Variants in ZNF724 observed in about 807,000 individuals in gnomAD.
ZNF724 encodes zinc finger protein 724.
A neutral mutation model predicts 29.3 loss-of-function variants in ZNF724; 14 were observed. The observed-to-expected ratio is 0.48, with a 90% CI of 0.32 to 0.75. The LOEUF (loss-of-function observed/expected upper bound fraction) is 0.75. Ranked by LOEUF, ZNF724 falls within the 30% of genes least tolerant of loss-of-function variation. The pLI is 0.04. For synonymous variants in ZNF724, 180 were observed against 193.6 expected (o/e 0.93, Z 0.58); for missense variants, 557 against 571.2 (o/e 0.98, Z 0.25).
chr19:23,224,366 T>C (rs1599635265), intron 3 of ZNF724, among the ~76,000 whole-genome samples: 1 of 151,934 alleles, frequency 6.6e-6, no homozygotes, highest in Admixed American at 6.6e-5. Context: ...TGAGCTGATA[T>C]CACACCAAGG....
In ZNF724 at chr19:23,223,151, G is replaced by C. The variant is rs1345279267; in HGVS notation, c.1094C>G (p.Pro365Arg). The stretch of plus-strand genomic sequence containing the variant: ...TTTGCCACACTCTTCACATTTGTAA[G>C]GTTTCTCTCCAGTATGAATTCTCTT... ...QHKRIHTGEKPYKCEECGKAF... is the reference protein window; with the variant it reads ...QHKRIHTGEKRYKCEECGKAF... Residue 365 changes from proline (P) to arginine (R), a missense_variant, in exon 4 of 4, where the codon CCT (proline) becomes CGT (arginine). Physicochemically the swap from Pro to Arg is moderately radical, Grantham distance 103. Transcript: ENST00000418100. 3.9e-6 allele frequency: 5 copies of C among 1,289,428 alleles called. No individual in the cohort carries two copies. The South Asian group carries it at 5.9e-5, about 15-fold the overall frequency. The allele number at this position is 1,289,428 out of a possible 1,614,324, so 79.9% of individuals were successfully genotyped here.
intron 1 of ZNF724, among the ~76,000 whole-genome samples, chr19:23,235,371 A>C (rs1972007902): frequency 6.6e-6 from 1 of 152,210 alleles, no homozygotes; most frequent in Admixed American, 6.5e-5. Context: ...TAGTTTAAAG[A>C]AATTTTTATT....
In ZNF724 at chr19:23,223,248, T is replaced by A; in HGVS notation, c.997A>T (p.Thr333Ser). The change falls in exon 4 of 4, where the codon ACT becomes TCT. Residue 333 changes from threonine to serine, a missense_variant. By Grantham distance (58) the Thr-to-Ser change is moderately conservative. Around this residue, in one of 3 missense-constraint regions of ZNF724, gnomAD observed 362 missense variants for 295.5 expected, o/e 1.22. Coordinates refer to ENST00000418100, the MANE Select transcript of ZNF724 (RefSeq NM_001355404.2). The part of the protein sequence containing the change: ...SNLTKHKRIH[T>S]GDKPYKCEEC... ...TCACATTTATAAGGTTTATCACCAG[T>A]ATGAATTCTCTTATGTTTAGTAAGG... 1 of 892,722 alleles carries A rather than the reference T, an allele frequency of 1.1e-6. No individual in the cohort carries two copies. Among genetic ancestry groups the A allele is most frequent in the Non-Finnish European group, 1.9e-6 (1 of 527,082 alleles). 55.3% of individuals were successfully genotyped at this position (892,722 alleles called of 1,614,324 possible). A position where few individuals can be genotyped will look rare whatever the true frequency, so the allele number is the denominator to read the frequency against.
intron 3 of ZNF724, among the ~76,000 whole-genome samples, chr19:23,227,998 C>A (rs527516288): frequency 1.3e-5 from 2 of 152,194 alleles, no homozygotes; most frequent in South Asian, 4.1e-4. Context: ...TCAGGAATTC[C>A]TGACAAAAAT....
Position 23,223,368 on chromosome 19 carries a change from G to A in ZNF724, c.877C>T (p.Gln293Ter). ...TTATGTCTAGTAAGGGTTGATGATT[G>A]GTTAAAAGCTTTGCCACATTCTTTA... ...KCKECGKAFN[Q>*]SSTLTRHKII... The change falls in exon 4 of 4, where the codon CAA becomes TAA. Residue 293 changes from glutamine (Q) to a stop codon, truncating the protein, a stop_gained. Coordinates refer to ENST00000418100, the MANE Select transcript of ZNF724 (RefSeq NM_001355404.2). LOFTEE classifies it high-confidence loss of function. The A allele has an allele frequency of 1.3e-6, 1 of 769,524 alleles. No homozygotes were observed. Among genetic ancestry groups the A allele is most frequent in the South Asian group, 1.4e-5 (1 of 73,578 alleles). 47.7% of individuals were successfully genotyped at this position (769,524 alleles called of 1,614,324 possible).
chr19:23,234,589 T>C (rs1215335596), intron 1 of ZNF724, among the ~76,000 whole-genome samples: 2 of 152,100 alleles, frequency 1.3e-5, no homozygotes, highest in Non-Finnish European at 2.9e-5. Flanking sequence ...GTAGCTGAGA[T>C]TACAGGCATC....
intron 3 of ZNF724, among the ~76,000 whole-genome samples, chr19:23,229,750 C>T (rs191694887): frequency 2.6e-5 from 4 of 152,240 alleles, no homozygotes; most frequent in Non-Finnish European, 5.9e-5. Context: ...CCTGGGTGCC[C>T]AACAAAAGAT....
chr19:23,229,252 G>A (rs1480361343), intron 3 of ZNF724, among the ~76,000 whole-genome samples: 4 of 152,160 alleles, frequency 2.6e-5, no homozygotes, highest in Middle Eastern at 3.4e-3. Flanking sequence ...TGGTCCCACT[G>A]AGAATACTGA....
intron 3 of ZNF724, among the ~76,000 whole-genome samples, chr19:23,224,597 G>GA (rs1204513754): frequency 6.6e-6 from 1 of 152,086 alleles, no homozygotes; most frequent in Non-Finnish European, 1.5e-5. Context: ...AAGAAAAAGA[G>GA]AAAAGTCTGT....
chr19:23,237,045 G>A (rs970047679), intron 1 of ZNF724, among the ~76,000 whole-genome samples: 16 of 151,952 alleles, frequency 1.1e-4, no homozygotes, highest in Non-Finnish European at 1.9e-4. Flanking sequence ...TAGAGACAGG[G>A]TTTCACCATA....
intron 1 of ZNF724, among the ~76,000 whole-genome samples, 177 bp downstream of exon 1, chr19:23,250,063 T>G (rs1367004838): frequency 6.6e-6 from 1 of 152,152 alleles, no homozygotes; most frequent in African/African-American, 2.4e-5. Context: ...GGGGGCCGGC[T>G]GTCAGCGAAG....
chr19:23,231,743 T>C (rs1345040897), intron 2 of ZNF724, among the ~76,000 whole-genome samples: 3 of 150,698 alleles, frequency 2.0e-5, no homozygotes, highest in Non-Finnish European at 3.0e-5. Flanking sequence ...TTTCTCTCCC[T>C]TTTTTTTTGA....
At chr19:23,250,108 G>A in intron 1 of ZNF724, 132 bp downstream of exon 1, 1 of 531,030 alleles carries the variant, frequency 1.9e-6, no homozygotes, top group Admixed American at 2.1e-5. Flanking sequence ...CTGAGGCCCA[G>A]CTGGGCAAGG....
chr19:23,227,983 AT>A (rs1971868769), intron 3 of ZNF724, among the ~76,000 whole-genome samples: 2 of 152,278 alleles, frequency 1.3e-5, no homozygotes, highest in South Asian at 4.1e-4. Context: ...CAGCAAGAAA[AT>A]TTGTCAGGAA....
chr19:23,239,086 G>A (rs375078548), intron 1 of ZNF724, among the ~76,000 whole-genome samples: 33 of 149,674 alleles, frequency 2.2e-4, no homozygotes, highest in African/African-American at 6.4e-4. Context: ...AAGTTCTTAC[G>A]GAGAGCTATG....
chr19:23,233,704 A>C (rs1313192595), intron 1 of ZNF724, among the ~76,000 whole-genome samples: 3 of 151,720 alleles, frequency 2.0e-5, no homozygotes, highest in African/African-American at 7.3e-5. Context: ...GGAGAAAAAA[A>C]CACAAGTATA....
At chr19:23,226,367 CG>C (rs1355619271) in intron 3 of ZNF724, among the ~76,000 whole-genome samples, 5 of 152,052 alleles carry the variant, frequency 3.3e-5, no homozygotes, top group African/African-American at 9.7e-5. Flanking sequence ...AGGGTCTTTA[CG>C]GGTGGGCCAG....
At chr19:23,235,648 TAAG>T (rs1471776008) in intron 1 of ZNF724, among the ~76,000 whole-genome samples, 2 of 152,050 alleles carry the variant, frequency 1.3e-5, no homozygotes, top group African/African-American at 4.8e-5. Context: ...CAGACCGAAA[TAAG>T]AAGTAAAATA....
chr19:23,223,032 T>C lies in ZNF724; in HGVS notation c.1213A>G (p.Thr405Ala), dbSNP rs1407369969. The change falls in exon 4 of 4, where the codon ACA becomes GCA. Residue 405 changes from threonine to alanine, a missense_variant. Thr to Ala is a moderately conservative substitution (Grantham distance 58). This residue lies in a region of ZNF724 where 362 missense variants were observed against 295.5 expected (regional missense o/e 1.22). Coordinates refer to ENST00000418100, the MANE Select transcript of ZNF724 (RefSeq NM_001355404.2). ...TTATGTGTGGTGAGGTGTGAGGATGTGTTAAAGGCTTTGCCACATTCTTCA... is the reference window on the plus strand; with the variant it reads ...TTATGTGTGGTGAGGTGTGAGGATGCGTTAAAGGCTTTGCCACATTCTTCA... Reference protein sequence around the residue: ...KCEECGKAFNTSSHLTTHKRI... With the variant: ...KCEECGKAFNASSHLTTHKRI... The C allele has an allele frequency of 7.6e-7, 1 of 1,309,360 alleles. No homozygotes were observed. The highest frequency in any genetic ancestry group is 1.1e-6 in the Non-Finnish European group (1 of 905,090). 81.1% of individuals were successfully genotyped at this position (1,309,360 alleles called of 1,614,324 possible).
Sources: allele counts gnomAD v4.1 joint callset (sites outside exome capture counted in the v4.1 genomes callset), GRCh38; gene constraint gnomAD v4.1.1; regional missense constraint gnomAD v4.1.1; transcripts MANE v1.5; gene names NCBI Gene and HGNC (gene_info 2026-07-23, HGNC 2026-07-21).